KDM1B: variants seen among roughly 807,000 people sequenced by gnomAD.
The protein encoded by KDM1B is lysine demethylase 1B, also known as lysine-specific histone demethylase 2.
KDM1B carries 63 observed loss-of-function variants against 107.4 expected under a neutral mutation model. That is an observed-to-expected ratio of 0.59 (90% CI 0.48 to 0.72). KDM1B has a LOEUF of 0.72. Ranked by LOEUF, KDM1B falls within the 30% of genes least tolerant of loss-of-function variation. The pLI is 0.00. For synonymous variants in KDM1B, 363 were observed against 363.9 expected, an observed-to-expected ratio of 1.00 and a Z score of 0.03; for missense variants, 749 against 1,020.8, an observed-to-expected ratio of 0.73 and a Z score of 3.63.
Position 18,166,369 on chromosome 6 carries a change from C to G in KDM1B, c.408C>G (p.Leu136=). ...AAGCTTTCATGGCAGACCAGCAACTCCCCTACTGGGTAAGGAGAGTGATGC... is the reference window on the plus strand; with the variant it reads ...AAGCTTTCATGGCAGACCAGCAACTGCCCTACTGGGTAAGGAGAGTGATGC... ...SPKAFMADQQ[L]PYWVQCTKPE... is the part of the protein sequence containing the mutation. The change falls in exon 6 of 22, where the codon CTC becomes CTG. Residue 136 remains leucine, a synonymous_variant. Transcript: ENST00000650836. 6.3e-7 allele frequency: 1 copy of G among 1,597,746 alleles called. No individual in the cohort carries two copies. The highest frequency in any genetic ancestry group is 8.6e-7 in the Non-Finnish European group (1 of 1,165,066).
Position 18,201,828 on chromosome 6 carries a change from T to C in KDM1B, c.1531+171T>C, listed in dbSNP as rs535530980. Among the ~76,000 whole-genome samples, 4 of 152,282 alleles carry C rather than the reference T, an allele frequency of 2.6e-5. No individual in the cohort carries two copies. The highest frequency in any genetic ancestry group is 1.3e-4 in the Admixed American group (2 of 15,300). On this transcript the variant is annotated intron_variant, in intron 14 of 21. Transcript: ENST00000650836. The surrounding 1 kb of genome is among the most constrained non-coding windows in gnomAD (Gnocchi z 4.3). ...CAAGTTCTCAGGGGAGGAGAACTTT[T>C]TGTAGGGAGGCTTAGATGCTTGTGT...
chr6:18,201,760 A>T lies in KDM1B; in HGVS notation c.1531+103A>T, dbSNP rs372634061. 20 of 961,176 alleles carry T rather than the reference A, an allele frequency of 2.1e-5. No homozygotes were observed. Among genetic ancestry groups the T allele is most frequent in the Non-Finnish European group, 2.8e-5 (18 of 653,640 alleles). The allele number at this position is 961,176 out of a possible 1,614,324, so 59.5% of individuals were successfully genotyped here. A position where few individuals can be genotyped will look rare whatever the true frequency, so the allele number is the denominator to read the frequency against. On this transcript the variant is annotated intron_variant, in intron 14 of 21. Coordinates refer to ENST00000650836, the MANE Select transcript of KDM1B (RefSeq NM_001364614.2). This position sits in a 1 kb window ranked among gnomAD's most constrained non-coding sequence, Gnocchi z 4.3. ...ATTTGCGAGGTCGGATGTCGGCAAC[A>T]GGGTAGCCCTCCTGAGCATTTCTTT...
rs1787972677 is a variant in KDM1B, at chr6:18,200,645, T to G, written c.1359+69T>G. 6.2e-6 allele frequency: 9 copies of G among 1,445,152 alleles called. No individual in the cohort carries two copies. The highest frequency in any genetic ancestry group is 7.5e-6 in the Non-Finnish European group (8 of 1,065,076). The allele number at this position is 1,445,152 out of a possible 1,614,324, so 89.5% of individuals were successfully genotyped here. On this transcript the variant is annotated intron_variant, in intron 13 of 21. Transcript: ENST00000650836. This position sits in a 1 kb window ranked among gnomAD's most constrained non-coding sequence, Gnocchi z 4.3. ...ACAGTTTCAATTTGCTTGTGTGCAGTATTAATATGCTTCTAAAGTAAATTA... is the reference window on the plus strand; with the variant it reads ...ACAGTTTCAATTTGCTTGTGTGCAGGATTAATATGCTTCTAAAGTAAATTA...
chr6:18,187,086 TCTA>T (rs1212239726), intron 8 of KDM1B, among the ~76,000 whole-genome samples: 1 of 152,088 alleles, frequency 6.6e-6, no homozygotes, highest in Non-Finnish European at 1.5e-5. Context: ...GAAAAGCCTG[TCTA>T]CCATGGATTG....
intron 6 of KDM1B, 115 bp downstream of exon 6, chr6:18,166,493 T>G (rs1265058346): frequency 1.5e-6 from 1 of 651,206 alleles, no homozygotes; most frequent in Non-Finnish European, 2.8e-6. Context: ...CTTCTATGAC[T>G]ATTAAAGCAA....
intron 17 of KDM1B, among the ~76,000 whole-genome samples, chr6:18,210,019 C>T (rs527746356): frequency 2.0e-5 from 3 of 152,142 alleles, no homozygotes; most frequent in Non-Finnish European, 4.4e-5. Flanking sequence ...TCTGCCTGAC[C>T]CTGGCCAGTA....
rs1039217550 is a variant in KDM1B, at chr6:18,197,925, C to CTT, written c.1221+281_1221+282dup. Among the ~76,000 whole-genome samples, 4,070 of 129,960 alleles carry CTT rather than the reference C, an allele frequency of 0.031. 211 individuals are homozygous for CTT. Among genetic ancestry groups the CTT allele is most frequent in the African/African-American group, 0.097 (3,327 of 34,226 alleles). 85.3% of individuals were successfully genotyped at this position (129,960 alleles called of 152,430 possible). On this transcript the variant is annotated intron_variant, in intron 12 of 21. Transcript: ENST00000650836. This position sits in a 1 kb window ranked among gnomAD's most constrained non-coding sequence, Gnocchi z 4.5. The stretch of plus-strand genomic sequence containing the variant: ...CTAACTTGGCATTAAAGTAGAAATT[C>CTT]TTTTTTTTTTTTTTTTTTGAGACAG...
At chr6:18,183,132 C>T (rs985138814) in intron 7 of KDM1B, among the ~76,000 whole-genome samples, 1 of 152,088 alleles carries the variant, frequency 6.6e-6, no homozygotes, top group East Asian at 1.9e-4. Context: ...GTGTGCCTCC[C>T]TACTACTCAG....
At chr6:18,170,560 G>T (rs376982423) in intron 6 of KDM1B, among the ~76,000 whole-genome samples, 1 of 151,272 alleles carries the variant, frequency 6.6e-6, no homozygotes, top group African/African-American at 2.4e-5. Context: ...GCTCACTGCA[G>T]CCTTGACCTC....
intron 7 of KDM1B, among the ~76,000 whole-genome samples, chr6:18,181,095 C>T (rs1023914962): frequency 1.2e-4 from 19 of 152,170 alleles, no homozygotes; most frequent in African/African-American, 4.6e-4. Context: ...TTCTGTAGAA[C>T]ACTTTTAGAC....
rs997777399 is a variant in KDM1B, at chr6:18,217,973, A to G, written c.2385+88A>G. ...ATATCTGCCCAGAGTTTAAAAACCA[A>G]TTCAAATACTGTCAAAAGTCTTATG... is the stretch of plus-strand genomic sequence containing the variant. On this transcript the variant is annotated intron_variant, in intron 21 of 21. Transcript: ENST00000650836. The G allele has an allele frequency of 6.5e-6, 9 of 1,380,042 alleles. No homozygotes were observed. The African/African-American group carries it at 7.2e-5, about 11-fold the overall frequency. The allele number at this position is 1,380,042 out of a possible 1,614,324, so 85.5% of individuals were successfully genotyped here.
chr6:18,161,886 C>G (rs917991154), intron 4 of KDM1B, among the ~76,000 whole-genome samples: 1 of 152,080 alleles, frequency 6.6e-6, no homozygotes. Flanking sequence ...GAAACTACAG[C>G]TAACTGCAGC....
intron 5 of KDM1B, among the ~76,000 whole-genome samples, chr6:18,163,763 T>C (rs183864535): frequency 2.3e-4 from 35 of 152,360 alleles, no homozygotes; most frequent in African/African-American, 8.2e-4. Flanking sequence ...TCTAGTTTAG[T>C]TCAGCAATGG....
At chr6:18,184,886 C>G (rs1375347790) in intron 7 of KDM1B, among the ~76,000 whole-genome samples, 1 of 151,670 alleles carries the variant, frequency 6.6e-6, no homozygotes, top group African/African-American at 2.4e-5. Flanking sequence ...CAGGCATGCA[C>G]CACCAAGCCT....
intron 21 of KDM1B, among the ~76,000 whole-genome samples, chr6:18,218,105 T>G (rs1049396441): frequency 2.0e-5 from 3 of 152,136 alleles, no homozygotes; most frequent in African/African-American, 7.2e-5. Context: ...TAAAAGTGTT[T>G]ATATTGCCAT....
At position 18,200,974 on chromosome 6, in the gene KDM1B, TA is replaced by T. The variant is rs1184517696; in HGVS notation, c.1359+405del. Among the ~76,000 whole-genome samples, 3 of 152,176 alleles carry T rather than the reference TA, an allele frequency of 2.0e-5. No individual in the cohort carries two copies. The East Asian group carries it at 5.8e-4, about 29-fold the overall frequency. On this transcript the variant is annotated intron_variant, in intron 13 of 21. Transcript: ENST00000650836. This position sits in a 1 kb window ranked among gnomAD's most constrained non-coding sequence, Gnocchi z 4.3. ...GCAATATTTGGGACATACTTATACT[TA>T]AAAAAATTATGTATTACTAATCTGA...
At position 18,191,120 on chromosome 6, in the gene KDM1B, G is replaced by T; in HGVS notation, c.785-77G>T. 8.9e-6 allele frequency: 12 copies of T among 1,350,680 alleles called. No homozygotes were observed. In the Admixed American group the frequency reaches 1.6e-4, roughly 18 times the overall value. The allele number at this position is 1,350,680 out of a possible 1,614,324, so 83.7% of individuals were successfully genotyped here. A position where few individuals can be genotyped will look rare whatever the true frequency, so the allele number is the denominator to read the frequency against. On this transcript the variant is annotated intron_variant, in intron 9 of 21. Coordinates refer to ENST00000650836, the MANE Select transcript of KDM1B (RefSeq NM_001364614.2). The surrounding 1 kb of genome is among the most constrained non-coding windows in gnomAD (Gnocchi z 5.1). ...GGAGCTTGTCTAGGCTTACTTTTTG[G>T]TTTGCTTTTGCCCTTTAATTCTTCT...
Position 18,172,898 on chromosome 6 carries a change from T to C in KDM1B, c.534+1419T>C, listed in dbSNP as rs867112708. 2.5e-4 allele frequency among the ~76,000 whole-genome samples: 38 copies of C among 152,184 alleles called. No homozygotes were observed. The highest frequency in any genetic ancestry group is 3.4e-3 in the Middle Eastern group (1 of 294). ...CGAGGTCAGGAGTTCAAGACCAGCC[T>C]GGCCAACATGTTGAAACCCTGTCTC... On this transcript the variant is annotated intron_variant, in intron 7 of 21. Transcript: ENST00000650836. The surrounding 1 kb of genome is among the most constrained non-coding windows in gnomAD (Gnocchi z 5.2).
chr6:18,182,249 T>G (rs992730718), intron 7 of KDM1B, among the ~76,000 whole-genome samples: 1 of 152,122 alleles, frequency 6.6e-6, no homozygotes, highest in African/African-American at 2.4e-5. Flanking sequence ...CCAGTCACCC[T>G]CCTTTGAGAC....
Sources: allele counts gnomAD v4.1 joint callset (sites outside exome capture counted in the v4.1 genomes callset), GRCh38; gene constraint gnomAD v4.1.1; non-coding constraint Gnocchi (gnomAD v3.1); transcripts MANE v1.5; gene names NCBI Gene and HGNC (gene_info 2026-07-23, HGNC 2026-07-21).